Variants in LRRIQ1 observed in about 807,000 individuals in gnomAD.
LRRIQ1 encodes the protein leucine rich repeats and IQ motif containing 1, also known as leucine-rich repeat- and IQ domain-containing protein 1.
In LRRIQ1, 210 loss-of-function variants were observed where a neutral mutation model predicts 211.9. The observed-to-expected ratio is 0.99, with a 90% confidence interval of 0.89 to 1.11. LRRIQ1 has a LOEUF of 1.11. Among genes scored for constraint, LRRIQ1 ranks in the 50% most tolerant of loss-of-function variants. The pLI is 0.00. For synonymous variants in LRRIQ1, 699 were observed against 650.1 expected (o/e 1.08, Z -1.14); for missense variants, 2,136 against 1,939.5 (o/e 1.10, Z -1.90).
intron 11 of LRRIQ1, among the ~76,000 whole-genome samples, chr12:85,080,213 A>G (rs1884128985): frequency 6.6e-6 from 1 of 151,734 alleles, no homozygotes; most frequent in South Asian, 2.1e-4. Context: ...TTGAAATATA[A>G]TTTTCTTTTT....
At chr12:85,224,382 C>T (rs544819198) in intron 24 of LRRIQ1, among the ~76,000 whole-genome samples, 5 of 152,110 alleles carry the variant, frequency 3.3e-5, no homozygotes, top group East Asian at 1.9e-4. Flanking sequence ...ATCCCATTAG[C>T]GGGTATATAC....
At chr12:85,209,841 A>T (rs911138639) in intron 24 of LRRIQ1, among the ~76,000 whole-genome samples, 2 of 151,990 alleles carry the variant, frequency 1.3e-5, no homozygotes, top group Non-Finnish European at 2.9e-5. Context: ...TTTTTTGGAG[A>T]CTGAAACTAA....
chr12:85,232,890 CAT>C (rs1410217414), intron 26 of LRRIQ1, 134 bp downstream of exon 26: 8 of 615,022 alleles, frequency 1.3e-5, no homozygotes, highest in East Asian at 6.1e-5. Context: ...ATCAAAATAT[CAT>C]GTGTTAAAAT....
chr12:85,202,776 A>G (rs761436743), intron 24 of LRRIQ1, among the ~76,000 whole-genome samples: 4 of 152,226 alleles, frequency 2.6e-5, no homozygotes, highest in Non-Finnish European at 4.4e-5. Context: ...CATTTAGCAC[A>G]TTTCCATTCT....
chr12:85,050,614 C>T (rs189452110), intron 6 of LRRIQ1, among the ~76,000 whole-genome samples: 67 of 152,234 alleles, frequency 4.4e-4, no homozygotes, highest in African/African-American at 1.5e-3. Context: ...TATCCATCTT[C>T]GCATCCATGT....
intron 24 of LRRIQ1, among the ~76,000 whole-genome samples, chr12:85,213,671 A>T (rs2137081993): frequency 6.6e-6 from 1 of 152,162 alleles, no homozygotes; most frequent in South Asian, 2.1e-4. Flanking sequence ...ACTACAAATC[A>T]ATAATACCAA....
At chr12:85,053,677 A>G (rs888281724) in intron 7 of LRRIQ1, among the ~76,000 whole-genome samples, 1 of 152,114 alleles carries the variant, frequency 6.6e-6, no homozygotes, top group South Asian at 2.1e-4. Context: ...AGATTTTCTC[A>G]ATCTTTGTTT....
chr12:85,044,772 C>G lies in LRRIQ1; in HGVS notation c.299C>G (p.Ser100Ter), dbSNP rs1470421589. The stretch of plus-strand genomic sequence containing the variant: ...CATATGCATTTAAGAACAGGACTAT[C>G]AACTGAATATGAAGAAAGTTCAGAG... ...NNHMHLRTGLSTEYEESSEQL... is the reference protein window; with the variant it reads ...NNHMHLRTGL Residue 100 changes from serine (S) to a stop codon, truncating the protein, a stop_gained, in exon 4 of 27, where the codon TCA becomes TGA. Coordinates refer to ENST00000393217, the MANE Select transcript of LRRIQ1 (RefSeq NM_001079910.2). LOFTEE classifies it high-confidence loss of function. The G allele has an allele frequency of 6.4e-7, 1 of 1,560,606 alleles. No homozygotes were observed. The highest frequency in any genetic ancestry group is 8.8e-7 in the Non-Finnish European group (1 of 1,136,894).
intron 24 of LRRIQ1, among the ~76,000 whole-genome samples, chr12:85,165,977 G>T (rs959183409): frequency 1.3e-5 from 2 of 152,032 alleles, no homozygotes; most frequent in Non-Finnish European, 2.9e-5. Context: ...TTGCTGTGTC[G>T]AATGGTAGTT....
In LRRIQ1 at chr12:85,066,732, T is replaced by G. The variant is rs1882474267; in HGVS notation, c.2545-16T>G. On this transcript the variant is annotated splice_polypyrimidine_tract_variant and intron_variant, in intron 9 of 26. Coordinates refer to ENST00000393217, the MANE Select transcript of LRRIQ1 (RefSeq NM_001079910.2). ...GCCATTGAAATAAAACTAATTACATTTGTTCTTTGCTTCAGGAAAACCATA... is the reference window on the plus strand; with the variant it reads ...GCCATTGAAATAAAACTAATTACATGTGTTCTTTGCTTCAGGAAAACCATA... 6.3e-7 allele frequency: 1 copy of G among 1,577,674 alleles called. No homozygotes were observed. Among genetic ancestry groups the G allele is most frequent in the African/African-American group, 1.4e-5 (1 of 72,854 alleles).
At position 85,104,029 on chromosome 12, in the gene LRRIQ1, C is replaced by A; in HGVS notation, c.3235C>A (p.His1079Asn). 1 of 1,565,788 alleles carries A rather than the reference C, an allele frequency of 6.4e-7. No homozygotes were observed. The highest frequency in any genetic ancestry group is 8.7e-7 in the Non-Finnish European group (1 of 1,155,902). Residue 1079 changes from histidine (H) to asparagine (N), a missense_variant, in exon 14 of 27, where the codon CAT becomes AAT. By Grantham distance (68) the His-to-Asn change is moderately conservative. Transcript: ENST00000393217. ...CTTGACTAAAATCGTACCACTTTTT[C>A]ATTTTGTTTCATTGGAAAAGCTAGA... The part of the protein sequence containing the change: ...NSLTKIVPLF[H>N]FVSLEKLDVS...
chr12:85,154,840 T>C (rs1372246900), intron 23 of LRRIQ1, among the ~76,000 whole-genome samples: 1 of 151,294 alleles, frequency 6.6e-6, no homozygotes, highest in Non-Finnish European at 1.5e-5. Context: ...AAGTTCTTAC[T>C]GTTAGTAAAA....
intron 1 of LRRIQ1, among the ~76,000 whole-genome samples, chr12:85,259,487 C>A (rs969050586): frequency 1.3e-5 from 2 of 152,018 alleles, no homozygotes; most frequent in African/African-American, 2.4e-5. Flanking sequence ...TCAATTTATT[C>A]TCTATATATG....
At chr12:85,148,169 T>A (rs573161131) in intron 19 of LRRIQ1, among the ~76,000 whole-genome samples, 13 of 151,930 alleles carry the variant, frequency 8.6e-5, no homozygotes, top group South Asian at 2.1e-4. Flanking sequence ...CTTTTTTTTT[T>A]AAATGTATTT....
intron 15 of LRRIQ1, among the ~76,000 whole-genome samples, chr12:85,110,159 C>A (rs527507112): frequency 6.6e-6 from 1 of 151,962 alleles, no homozygotes; most frequent in Admixed American, 6.6e-5. Context: ...ATTTAATCAC[C>A]AAGTATTTTA....
chr12:85,121,756 C>CT lies in LRRIQ1; in HGVS notation c.3438dup (p.Asn1147Ter), dbSNP rs1419415724. 2.5e-6 allele frequency: 4 copies of CT among 1,609,114 alleles called. No individual in the cohort carries two copies. The African/African-American group carries it at 4.0e-5, about 16-fold the overall frequency. ...ATCCTCAATGGCAATATACTAAACT[C>CT]TAATTCAGAAAGCCGCACTGAAGAA... On this transcript the variant is annotated frameshift_variant, in exon 16 of 27. Coordinates refer to ENST00000393217, the MANE Select transcript of LRRIQ1 (RefSeq NM_001079910.2). LOFTEE classifies it high-confidence loss of function.
At chr12:85,127,622 A>C (rs1465532162) in intron 17 of LRRIQ1, among the ~76,000 whole-genome samples, 1 of 152,148 alleles carries the variant, frequency 6.6e-6, no homozygotes, top group African/African-American at 2.4e-5. Flanking sequence ...CCACATACCC[A>C]ACTACTGGCC....
At chr12:85,220,617 TTTTATTTTTATTTA>T (rs1326483518) in intron 24 of LRRIQ1, among the ~76,000 whole-genome samples, 2 of 149,904 alleles carry the variant, frequency 1.3e-5, no homozygotes, top group Admixed American at 6.6e-5. Context: ...TGGTTTTGTG[TTTTATTTTTATTTA>T]TTTATTTTTA....
intron 10 of LRRIQ1, among the ~76,000 whole-genome samples, chr12:85,071,366 A>T (rs1883063232): frequency 6.6e-6 from 1 of 151,974 alleles, no homozygotes; most frequent in African/African-American, 2.4e-5. Context: ...TATGGAACTT[A>T]TAATTATTTT....
Sources: allele counts gnomAD v4.1 joint callset (sites outside exome capture counted in the v4.1 genomes callset), GRCh38; gene constraint gnomAD v4.1.1; transcripts MANE v1.5; gene names NCBI Gene and HGNC (gene_info 2026-07-23, HGNC 2026-07-21).